Variants in CACNA2D3 observed in about 807,000 individuals in gnomAD.
CACNA2D3 encodes the protein voltage-dependent calcium channel subunit alpha-2/delta-3.
A neutral mutation model predicts 160.6 loss-of-function variants in CACNA2D3; 60 were observed. That is an observed-to-expected ratio of 0.37 (90% CI 0.30 to 0.46). The LOEUF (loss-of-function observed/expected upper bound fraction) is 0.46. Among genes scored for constraint, CACNA2D3 ranks in the 20% least tolerant of loss-of-function variants. CACNA2D3 has a pLI of 1.00. For synonymous variants in CACNA2D3, 558 were observed against 492.9 expected (o/e 1.13, Z -1.75); for missense variants, 1,205 against 1,365.0 (o/e 0.88, Z 1.85).
chr3:55,071,673 A>ATGAT (rs1704813049), intron 35 of CACNA2D3, among the ~76,000 whole-genome samples: 1 of 151,488 alleles, frequency 6.6e-6, no homozygotes, highest in South Asian at 2.1e-4. Flanking sequence ...TTGATGATTG[A>ATGAT]TGATAGGAAG....
chr3:54,531,673 C>T (rs756423246), intron 5 of CACNA2D3, among the ~76,000 whole-genome samples: 40 of 152,122 alleles, frequency 2.6e-4, no homozygotes, highest in African/African-American at 7.2e-5. Flanking sequence ...TGTCCGGGTT[C>T]GGAATGTCGG....
chr3:54,711,574 G>A (rs1700951963), intron 11 of CACNA2D3, among the ~76,000 whole-genome samples: 1 of 152,180 alleles, frequency 6.6e-6, no homozygotes, highest in South Asian at 2.1e-4. Context: ...CCAGAAATGG[G>A]TCACATGTTT....
chr3:54,474,896 G>A (rs986852098), intron 4 of CACNA2D3, among the ~76,000 whole-genome samples: 2 of 152,176 alleles, frequency 1.3e-5, no homozygotes, highest in South Asian at 2.1e-4. Flanking sequence ...ATACTGGGCC[G>A]AAATAGCTTC....
rs1702224153 is a variant in CACNA2D3 at position 54,252,962 on chromosome 3, C to T, written c.205-67480C>T. Among the ~76,000 whole-genome samples the T allele has an allele frequency of 2.6e-5, 4 of 152,324 alleles. No homozygotes were observed. The Middle Eastern group carries it at 0.01, about 389-fold the overall frequency. ...TCCTGGCTTTAGCAACCTGCCCACACTTTCAGAGACTTTGCTGGTCTTTTA... is the reference window on the plus strand; with the variant it reads ...TCCTGGCTTTAGCAACCTGCCCACATTTTCAGAGACTTTGCTGGTCTTTTA... On this transcript the variant is annotated intron_variant, in intron 2 of 37. Coordinates refer to ENST00000474759, the MANE Select transcript of CACNA2D3 (RefSeq NM_018398.3).
At chr3:55,055,327 T>G (rs11130447) in intron 35 of CACNA2D3, among the ~76,000 whole-genome samples, 28,218 of 152,032 alleles carry the variant, frequency 0.19, 2,829 homozygotes, top group African/African-American at 0.21. Flanking sequence ...CTTTTCTCAG[T>G]GTGTATTCCA....
chr3:54,244,675 T>G (rs1702038163), intron 2 of CACNA2D3, among the ~76,000 whole-genome samples: 1 of 152,232 alleles, frequency 6.6e-6, no homozygotes, highest in South Asian at 2.1e-4. Flanking sequence ...ATATCCAGTC[T>G]TGTGTGTATG....
At chr3:54,737,924 C>G (rs1701565746) in intron 11 of CACNA2D3, among the ~76,000 whole-genome samples, 1 of 152,156 alleles carries the variant, frequency 6.6e-6, no homozygotes, top group Admixed American at 6.5e-5. Context: ...TCTCGGCCTC[C>G]CAAAGTGCTG....
chr3:54,623,369 G>A (rs1426342987), intron 9 of CACNA2D3, among the ~76,000 whole-genome samples: 2 of 152,218 alleles, frequency 1.3e-5, no homozygotes, highest in African/African-American at 2.4e-5. Flanking sequence ...CAGAAGTCCA[G>A]GGATTGGCTC....
intron 3 of CACNA2D3, among the ~76,000 whole-genome samples, chr3:54,383,685 G>A (rs1276604784): frequency 6.6e-6 from 1 of 152,034 alleles, no homozygotes; most frequent in Non-Finnish European, 1.5e-5. Flanking sequence ...GCAAATTCGC[G>A]GAGTTCCCTA....
intron 4 of CACNA2D3, among the ~76,000 whole-genome samples, chr3:54,426,248 C>G (rs1699910636): frequency 6.6e-6 from 1 of 152,084 alleles, no homozygotes; most frequent in Non-Finnish European, 1.5e-5. Context: ...ACTTCAGGCA[C>G]CAAACACTAA....
At chr3:54,351,947 T>C (rs1698572459) in intron 3 of CACNA2D3, among the ~76,000 whole-genome samples, 2 of 152,212 alleles carry the variant, frequency 1.3e-5, no homozygotes, top group Admixed American at 6.5e-5. Context: ...GAGTCTGATT[T>C]CTCCTTTGCA....
At chr3:54,925,750 C>T (rs1299558042) in intron 27 of CACNA2D3, among the ~76,000 whole-genome samples, 3 of 152,116 alleles carry the variant, frequency 2.0e-5, no homozygotes, top group Non-Finnish European at 4.4e-5. Flanking sequence ...ACTACTGCAA[C>T]CAAGGAACTG....
intron 2 of CACNA2D3, among the ~76,000 whole-genome samples, chr3:54,140,977 A>C (rs546858579): frequency 6.6e-6 from 1 of 152,088 alleles, no homozygotes; most frequent in South Asian, 2.1e-4. Flanking sequence ...AGCCATGACT[A>C]TAAGCTAGTG....
At chr3:54,798,364 C>T (rs1179294678) in intron 13 of CACNA2D3, among the ~76,000 whole-genome samples, 1 of 152,056 alleles carries the variant, frequency 6.6e-6, no homozygotes, top group Non-Finnish European at 1.5e-5. Flanking sequence ...GAAACCCCAT[C>T]TGTACTAAAA....
At chr3:54,618,379 A>ATATATATG (rs1401834228) in intron 9 of CACNA2D3, among the ~76,000 whole-genome samples, 8 of 141,612 alleles carry the variant, frequency 5.6e-5, no homozygotes, top group Non-Finnish European at 1.2e-4. Flanking sequence ...ATATATGCAC[A>ATATATATG]CACACACACA....
intron 4 of CACNA2D3, among the ~76,000 whole-genome samples, chr3:54,462,137 A>T (rs1232829724): frequency 1.3e-5 from 2 of 152,148 alleles, no homozygotes; most frequent in Non-Finnish European, 2.9e-5. Flanking sequence ...CTGTGGTCTG[A>T]GAGACAGCTT....
At chr3:54,595,354 G>GTGTA in intron 9 of CACNA2D3, among the ~76,000 whole-genome samples, 1 of 150,718 alleles carries the variant, frequency 6.6e-6, no homozygotes, top group African/African-American at 2.4e-5. Flanking sequence ...GTGTGTGTGT[G>GTGTA]TATGGTTGTG....
intron 34 of CACNA2D3, among the ~76,000 whole-genome samples, chr3:55,013,483 T>C (rs1559463598): frequency 6.6e-6 from 1 of 152,228 alleles, no homozygotes; most frequent in East Asian, 1.9e-4. Flanking sequence ...TTATTAAATG[T>C]AAATATAAAT....
At chr3:54,503,794 T>A (rs972634129) in intron 5 of CACNA2D3, 140 bp downstream of exon 5, 5 of 694,684 alleles carry the variant, frequency 7.2e-6, no homozygotes, top group Non-Finnish European at 1.2e-5. Context: ...GTGTCAGGTA[T>A]CAACTGGATA....
Sources: gnomAD v4.1 joint callset for allele counts (sites outside exome capture counted in the v4.1 genomes callset) on GRCh38, gnomAD v4.1.1 for gene constraint, MANE v1.5 for transcripts, NCBI Gene and HGNC (gene_info 2026-07-23, HGNC 2026-07-21) for gene names.